Variants in C8orf34 observed in about 807,000 individuals in gnomAD.
C8orf34 encodes chromosome 8 open reading frame 34.
A neutral mutation model predicts 68.3 loss-of-function variants in C8orf34; 65 were observed. That is an observed-to-expected ratio of 0.95 (90% confidence interval 0.78 to 1.17). The LOEUF is 1.17. Ranked by LOEUF, C8orf34 falls within the 50% of genes most tolerant of loss-of-function variation. The pLI is 0.00. For missense variants in C8orf34, 664 were observed against 655.4 expected (o/e 1.01, Z -0.14); for synonymous variants, 244 against 241.2 (o/e 1.01, Z -0.11).
At chr8:68,548,760 C>T (rs571408542) in intron 7 of C8orf34, among the ~76,000 whole-genome samples, 10 of 151,822 alleles carry the variant, frequency 6.6e-5, no homozygotes, top group African/African-American at 2.4e-4. Flanking sequence ...CCAAACAGAA[C>T]ACAATACAAA....
At chr8:68,511,082 C>T (rs370902704) in intron 5 of C8orf34, among the ~76,000 whole-genome samples, 1 of 152,208 alleles carries the variant, frequency 6.6e-6, no homozygotes, top group African/African-American at 2.4e-5. Flanking sequence ...CCACTTTCTC[C>T]AATTGTGTCC....
rs921891356 is a variant in C8orf34 at position 68,541,426 on chromosome 8, G to T, written c.1105+8277G>T. On this transcript the variant is annotated intron_variant, in intron 7 of 13. Transcript: ENST00000518698. The stretch of plus-strand genomic sequence containing the variant: ...GGCTGTGGTGAGCTATGATGGCACC[G>T]CTGCACTCCAGCCTGGGCAATAGAG... 5.3e-5 allele frequency among the ~76,000 whole-genome samples: 8 copies of T among 151,572 alleles called. 1 individual carries two copies. Among genetic ancestry groups the T allele is most frequent in the Admixed American group, 3.3e-4 (5 of 15,234 alleles).
At chr8:68,391,591 G>T (rs182676813) in intron 1 of C8orf34, among the ~76,000 whole-genome samples, 3 of 152,218 alleles carry the variant, frequency 2.0e-5, no homozygotes, top group Admixed American at 1.3e-4. Flanking sequence ...TTGTGTTGAG[G>T]TTCTGTCACT....
intron 7 of C8orf34, chr8:68,533,968 A>G: frequency 1.3e-5 from 11 of 856,844 alleles, no homozygotes; most frequent in Non-Finnish European, 1.5e-5. Context: ...GAAAGAGAAT[A>G]AATAATATAA....
At chr8:68,745,234 G>T (rs1023325150) in intron 10 of C8orf34, among the ~76,000 whole-genome samples, 6 of 152,016 alleles carry the variant, frequency 3.9e-5, no homozygotes, top group Admixed American at 1.3e-4. Context: ...CCTGAAGGAA[G>T]CGCTAAACAT....
rs143334087 is a variant in C8orf34 at position 68,643,691 on chromosome 8, C to T, written c.1241+3180C>T. Among the ~76,000 whole-genome samples the T allele has an allele frequency of 4.1e-3, 618 of 152,270 alleles. 4 individuals are homozygous for T. Among genetic ancestry groups the T allele is most frequent in the African/African-American group, 0.014 (599 of 41,550 alleles). On this transcript the variant is annotated intron_variant, in intron 8 of 13. Coordinates refer to ENST00000518698, the MANE Select transcript of C8orf34 (RefSeq NM_052958.4). ...TAATTCCATTCATGAGGGTTCCACCCTTGTGACCTAATCACCTCCCAATAT... is the reference window on the plus strand; with the variant it reads ...TAATTCCATTCATGAGGGTTCCACCTTTGTGACCTAATCACCTCCCAATAT...
At chr8:68,507,710 G>C (rs1248192165) in intron 5 of C8orf34, among the ~76,000 whole-genome samples, 1 of 152,146 alleles carries the variant, frequency 6.6e-6, no homozygotes, top group African/African-American at 2.4e-5. Context: ...AGAAAACTGG[G>C]GGCCCAGAGG....
chr8:68,718,660 A>T (rs1466712747), intron 9 of C8orf34, among the ~76,000 whole-genome samples: 2 of 152,194 alleles, frequency 1.3e-5, no homozygotes, highest in Non-Finnish European at 2.9e-5. Context: ...AAGCGTAAAC[A>T]TTTCTATAAA....
At chr8:68,695,603 G>T (rs927171074) in intron 8 of C8orf34, 3 of 152,064 alleles carry the variant, frequency 2.0e-5, no homozygotes, top group African/African-American at 7.2e-5. Flanking sequence ...TTGGAAAACA[G>T]GTACAGATTT....
At chr8:68,634,871 T>A (rs1184220078) in intron 7 of C8orf34, among the ~76,000 whole-genome samples, 1 of 152,192 alleles carries the variant, frequency 6.6e-6, no homozygotes, top group Non-Finnish European at 1.5e-5. Context: ...TTCACTGCCA[T>A]CACCACAGTC....
At chr8:68,365,301 G>T (rs1380801423) in intron 1 of C8orf34, among the ~76,000 whole-genome samples, 1 of 78,734 alleles carries the variant, frequency 1.3e-5, no homozygotes, top group Non-Finnish European at 2.5e-5. Flanking sequence ...ATTCACAGCC[G>T]AATTCTACCA....
chr8:68,585,670 G>A (rs746193914), intron 7 of C8orf34, among the ~76,000 whole-genome samples: 11 of 152,192 alleles, frequency 7.2e-5, no homozygotes, highest in South Asian at 6.2e-4. Context: ...TCAGCCAGGC[G>A]TGGCAGGGCT....
At position 68,755,630 on chromosome 8, in the gene C8orf34, T is replaced by G. The variant is rs540146831; in HGVS notation, c.1405-20769T>G. On this transcript the variant is annotated intron_variant, in intron 10 of 13. Coordinates refer to ENST00000518698, the MANE Select transcript of C8orf34 (RefSeq NM_052958.4). ...CACATGGTGCTACAACCTCCACTCT[T>G]AATTCTAATACCTTGCCTTCTCTTG... 3.9e-5 allele frequency among the ~76,000 whole-genome samples: 6 copies of G among 152,282 alleles called. No homozygotes were observed. The South Asian group carries it at 1.2e-3, about 32-fold the overall frequency.
intron 8 of C8orf34, among the ~76,000 whole-genome samples, chr8:68,658,714 C>A (rs1040009649): frequency 1.3e-5 from 2 of 151,870 alleles, no homozygotes; most frequent in East Asian, 3.9e-4. Context: ...TTTCTAAGTT[C>A]TGTTTTAAAT....
chr8:68,789,664 C>G (rs1292991696), intron 12 of C8orf34, among the ~76,000 whole-genome samples: 3 of 151,808 alleles, frequency 2.0e-5, no homozygotes, highest in African/African-American at 7.3e-5. Flanking sequence ...TATTGAGACA[C>G]AAAATAAGCC....
chr8:68,552,012 T>C (rs1816090413), intron 7 of C8orf34, among the ~76,000 whole-genome samples: 1 of 152,156 alleles, frequency 6.6e-6, no homozygotes, highest in Non-Finnish European at 1.5e-5. Flanking sequence ...ATTTGCTTGG[T>C]ATTCTTGTTG....
intron 12 of C8orf34, among the ~76,000 whole-genome samples, chr8:68,804,318 G>A (rs1238531598): frequency 2.6e-5 from 4 of 152,058 alleles, no homozygotes; most frequent in East Asian, 1.9e-4. Flanking sequence ...TGTACTTTTC[G>A]GAGCATCTTG....
intron 8 of C8orf34, among the ~76,000 whole-genome samples, chr8:68,690,286 C>T (rs1170401647): frequency 6.6e-6 from 1 of 151,848 alleles, no homozygotes; most frequent in African/African-American, 2.4e-5. Flanking sequence ...TCACCTCTAC[C>T]TTCCTAGAAT....
At chr8:68,472,363 T>C (rs1517113) in intron 4 of C8orf34, among the ~76,000 whole-genome samples, 99,311 of 152,008 alleles carry the variant, frequency 0.65, 32,638 homozygotes, top group African/African-American at 0.72. Flanking sequence ...TTTGAGGCCA[T>C]GATGGAGTAG....
Sources: allele counts gnomAD v4.1 joint callset (sites outside exome capture counted in the v4.1 genomes callset), GRCh38; gene constraint gnomAD v4.1.1; transcripts MANE v1.5; gene names NCBI Gene and HGNC (gene_info 2026-07-23, HGNC 2026-07-21).